Variants in TTC17 observed in about 807,000 individuals in gnomAD.
TTC17 encodes the protein tetratricopeptide repeat domain 17.
In TTC17, 58 loss-of-function variants were observed where a neutral mutation model predicts 143.8. That is an observed-to-expected ratio of 0.40 (90% confidence interval 0.33 to 0.50). The LOEUF (loss-of-function observed/expected upper bound fraction) is 0.50, where lower values mean the gene tolerates loss of function less well. Ranked by LOEUF, TTC17 falls within the 20% of genes least tolerant of loss-of-function variation. The probability of loss-of-function intolerance (pLI) is 0.49; values close to 1 mark genes in which losing one functional copy is unlikely to be tolerated. For missense variants in TTC17, 1,273 were observed against 1,392.5 expected, an observed-to-expected ratio of 0.91 and a Z score of 1.37; for synonymous variants, 501 against 497.8, an observed-to-expected ratio of 1.01 and a Z score of -0.09.
At chr11:43,359,697 C>T (rs1471019375) in intron 1 of TTC17, among the ~76,000 whole-genome samples, 2 of 152,240 alleles carry the variant, frequency 1.3e-5, no homozygotes, top group African/African-American at 4.8e-5. Context: ...AAACACTCCC[C>T]TTCAGAAGGA....
At chr11:43,425,440 G>C (rs1291411243) in intron 16 of TTC17, among the ~76,000 whole-genome samples, 1 of 152,086 alleles carries the variant, frequency 6.6e-6, no homozygotes, top group South Asian at 2.1e-4. Context: ...AATTATGTTT[G>C]CTTTGAGACA....
Position 43,463,744 on chromosome 11 carries a change from G to A in TTC17, c.3030+12479G>A, listed in dbSNP as rs12362082. Among the ~76,000 whole-genome samples the A allele has an allele frequency of 5.8e-3, 877 of 152,012 alleles. 5 individuals are homozygous for A. Among genetic ancestry groups the A allele is most frequent in the Non-Finnish European group, 0.01 (692 of 67,920 alleles). On this transcript the variant is annotated intron_variant, in intron 21 of 23. Transcript: ENST00000039989. ...TTTATCTCAAAGAAGAAACAATCAA[G>A]AATAATTAGAGAAACTGAAAAAAAG...
intron 1 of TTC17, among the ~76,000 whole-genome samples, chr11:43,362,149 TTGTGTGTG>T (rs3978779): frequency 0.02 from 2,747 of 138,110 alleles, 42 homozygotes; most frequent in African/African-American, 0.027. Flanking sequence ...CCCGGCTAAT[TTGTGTGTG>T]TGTGTGTGTG....
chr11:43,385,661 G>A (rs1288339761), intron 2 of TTC17: 1 of 150,326 alleles, frequency 6.7e-6, no homozygotes, highest in African/African-American at 2.4e-5. Context: ...AAGATTGCTC[G>A]AGCCTAGGAG....
chr11:43,389,899 GTA>G, intron 3 of TTC17, 78 bp downstream of exon 3: 1 of 1,318,218 alleles, frequency 7.6e-7, no homozygotes, highest in Non-Finnish European at 1.0e-6. Flanking sequence ...AATTATTTCT[GTA>G]ATAAGGGTAA....
At chr11:43,411,254 A>G (rs930056383) in intron 15 of TTC17, among the ~76,000 whole-genome samples, 4 of 152,132 alleles carry the variant, frequency 2.6e-5, no homozygotes, top group African/African-American at 9.7e-5. Context: ...AGTTCCTTGA[A>G]CATACTAAGC....
chr11:43,452,688 G>T (rs1947686217), intron 21 of TTC17, among the ~76,000 whole-genome samples: 1 of 152,114 alleles, frequency 6.6e-6, no homozygotes, highest in Non-Finnish European at 1.5e-5. Flanking sequence ...TGTAATCCCA[G>T]CACTTTGGTG....
Position 43,407,542 on chromosome 11 carries a change from C to G in TTC17, c.2029C>G (p.Leu677Val). 2 of 1,613,964 alleles carry G rather than the reference C, an allele frequency of 1.2e-6. No individual in the cohort carries two copies. The highest frequency in any genetic ancestry group is 2.2e-5 in the South Asian group (2 of 91,078). ...HYGLHLDATK[L>V]LLQALAINSS... Reference sequence around the variant, plus strand: ...CGGCCTTCATCTTGATGCCACTAAGCTGCTACTTCAAGCTTTGGCCATCAA... The same window carrying G: ...CGGCCTTCATCTTGATGCCACTAAGGTGCTACTTCAAGCTTTGGCCATCAA... The change falls in exon 15 of 24, where the codon CTG becomes GTG. Residue 677 changes from leucine (L) to valine (V), a missense_variant. Leu to Val is a conservative substitution (Grantham distance 32). Transcript: ENST00000039989.
At chr11:43,451,937 G>T (rs1394805632) in intron 21 of TTC17, among the ~76,000 whole-genome samples, 1 of 152,034 alleles carries the variant, frequency 6.6e-6, no homozygotes, top group South Asian at 2.1e-4. Context: ...TCCGAGTATC[G>T]CACATGGAAA....
chr11:43,409,985 G>A (rs1027333654), intron 15 of TTC17, among the ~76,000 whole-genome samples: 2 of 151,832 alleles, frequency 1.3e-5, no homozygotes, highest in African/African-American at 2.4e-5. Context: ...GGGATTTCAG[G>A]TGCATACCAC....
intron 2 of TTC17, among the ~76,000 whole-genome samples, chr11:43,387,515 A>AT (rs1857213893): frequency 6.6e-6 from 1 of 151,720 alleles, no homozygotes; most frequent in Non-Finnish European, 1.5e-5. Flanking sequence ...CATTAATAAT[A>AT]ACCCCAAAAA....
At position 43,379,245 on chromosome 11, in the gene TTC17, A is replaced by G. The variant is rs751449866; in HGVS notation, c.172A>G (p.Met58Val). The G allele has an allele frequency of 3.5e-5, 56 of 1,612,298 alleles. No homozygotes were observed. The highest frequency in any genetic ancestry group is 7.7e-5 in the South Asian group (7 of 90,620). The change falls in exon 2 of 24, where the codon ATG becomes GTG. Residue 58 changes from methionine to valine, a missense_variant. By Grantham distance (21) the Met-to-Val change is conservative (BLOSUM62 1). This residue lies in a region of TTC17 where 325 missense variants were observed against 444.2 expected (regional missense o/e 0.73). Transcript: ENST00000039989. ...GKIQQQVDSP[M>V]NLKHPHDLVI... The stretch of plus-strand genomic sequence containing the variant: ...TGCTTGCTTGCAGGTGGATTCACCA[A>G]TGAACTTGAAGCATCCTCATGACCT...
intron 1 of TTC17, among the ~76,000 whole-genome samples, chr11:43,373,509 G>A (rs1856650587): frequency 6.6e-6 from 1 of 151,984 alleles, no homozygotes; most frequent in African/African-American, 2.4e-5. Context: ...ATTTTTAGTA[G>A]AGATGAGGTT....
At chr11:43,425,499 C>CT (rs1247705643) in intron 16 of TTC17, among the ~76,000 whole-genome samples, 1 of 152,102 alleles carries the variant, frequency 6.6e-6, no homozygotes, top group African/African-American at 2.4e-5. Context: ...ACAGCACCAA[C>CT]TATGTAAACC....
At chr11:43,416,515 G>C (rs1477344433) in intron 16 of TTC17, among the ~76,000 whole-genome samples, 2 of 152,062 alleles carry the variant, frequency 1.3e-5, no homozygotes, top group East Asian at 3.8e-4. Context: ...CAGTTGTCTT[G>C]AACTTTTTCC....
chr11:43,471,975 T>C (rs1948101341), intron 21 of TTC17, among the ~76,000 whole-genome samples: 1 of 152,234 alleles, frequency 6.6e-6, no homozygotes, highest in African/African-American at 2.4e-5. Context: ...ACTGGAGTAC[T>C]GACATTATCA....
chr11:43,493,859 C>T lies in TTC17; in HGVS notation c.3381C>T (p.Thr1127=), dbSNP rs768233395. 12 of 1,613,892 alleles carry T rather than the reference C, an allele frequency of 7.4e-6. No homozygotes were observed. The highest frequency in any genetic ancestry group is 1.0e-5 in the Non-Finnish European group (12 of 1,179,900). Residue 1127 remains threonine, a synonymous_variant, in exon 24 of 24, where the codon ACC becomes ACT. Transcript: ENST00000039989. ...EFVPAKNRIQ[T]IQCHLMLKKG... ...TCCCAGCCAAGAACCGAATCCAGAC[C>T]ATCCAGTGTCACTTAATGCTGAAGA...
chr11:43,426,980 A>G lies in TTC17; in HGVS notation c.2251+12204A>G, dbSNP rs898613593. ...TACAAGGTCTGTTGGTTTAAATATT[A>G]TATTTACTACCTATACCAGTGGTAA... On this transcript the variant is annotated intron_variant, in intron 16 of 23. Coordinates refer to ENST00000039989, the MANE Select transcript of TTC17 (RefSeq NM_018259.6). 3.9e-5 allele frequency among the ~76,000 whole-genome samples: 6 copies of G among 152,186 alleles called. No individual in the cohort carries two copies. In the East Asian group the frequency reaches 1.2e-3, roughly 29 times the overall value.
chr11:43,477,921 C>T (rs764934365), intron 21 of TTC17, among the ~76,000 whole-genome samples: 9 of 151,958 alleles, frequency 5.9e-5, no homozygotes, highest in Non-Finnish European at 7.4e-5. Flanking sequence ...GTTTTGTAGC[C>T]CTTAATGAAT....
Sources: allele counts gnomAD v4.1 joint callset (sites outside exome capture counted in the v4.1 genomes callset), GRCh38; gene constraint gnomAD v4.1.1; regional missense constraint gnomAD v4.1.1; transcripts MANE v1.5; gene names NCBI Gene and HGNC (gene_info 2026-07-23, HGNC 2026-07-21).